The following ADAMTS17 variants were observed in gnomAD, a reference collection of about 807,000 sequenced individuals.
The protein encoded by ADAMTS17 is A disintegrin and metalloproteinase with thrombospondin motifs 17.
A neutral mutation model predicts 141.5 loss-of-function variants in ADAMTS17; 113 were observed. The observed-to-expected ratio is 0.80, with a 90% CI of 0.69 to 0.93. The LOEUF is 0.93. Ranked by LOEUF, ADAMTS17 falls within the 40% of genes least tolerant of loss-of-function variation. ADAMTS17 has a pLI of 0.00. For synonymous variants in ADAMTS17, 768 were observed against 630.6 expected (o/e 1.22, Z -3.27); for missense variants, 1,659 against 1,517.9 (o/e 1.09, Z -1.54).
At chr15:100,081,321 T>C (rs1029442379) in intron 15 of ADAMTS17, among the ~76,000 whole-genome samples, 3 of 152,162 alleles carry the variant, frequency 2.0e-5, no homozygotes, top group Non-Finnish European at 4.4e-5. Flanking sequence ...GATGTTGTGA[T>C]TACGTAAGTT....
At chr15:100,152,974 A>G (rs115367251) in intron 9 of ADAMTS17, among the ~76,000 whole-genome samples, 44 of 21,444 alleles carry the variant, frequency 2.1e-3, no homozygotes, top group Non-Finnish European at 5.5e-3. Flanking sequence ...CTTCGCTCTG[A>G]AGGTAGTAAG....
intron 15 of ADAMTS17, among the ~76,000 whole-genome samples, chr15:100,069,479 A>C (rs929574093): frequency 3.3e-5 from 5 of 152,216 alleles, no homozygotes; most frequent in African/African-American, 1.2e-4. Context: ...AAAAATGTTA[A>C]GGGCAGCCAG....
chr15:100,055,727 A>C (rs2032510768), intron 15 of ADAMTS17, among the ~76,000 whole-genome samples: 1 of 152,186 alleles, frequency 6.6e-6, no homozygotes, highest in Non-Finnish European at 1.5e-5. Flanking sequence ...GGACACCCAC[A>C]GTTTCCTCTC....
intron 7 of ADAMTS17, among the ~76,000 whole-genome samples, chr15:100,207,190 G>A (rs1176701745): frequency 2.0e-5 from 3 of 152,096 alleles, no homozygotes; most frequent in African/African-American, 4.8e-5. Context: ...AGAGACACTA[G>A]AGGTATTTCT....
At chr15:100,147,948 C>T (rs578235349) in intron 10 of ADAMTS17, among the ~76,000 whole-genome samples, 219 of 152,366 alleles carry the variant, frequency 1.4e-3, no homozygotes, top group African/African-American at 5.0e-3. Context: ...GAGGTTTCCT[C>T]GCCTTTTCCA....
intron 15 of ADAMTS17, among the ~76,000 whole-genome samples, chr15:100,056,504 G>A (rs1322966712): frequency 6.6e-6 from 1 of 152,166 alleles, no homozygotes; most frequent in Non-Finnish European, 1.5e-5. Context: ...TCAGCCATTA[G>A]ATTCTCATAA....
In ADAMTS17 at chr15:100,003,973, C is replaced by T. The variant is rs559590506; in HGVS notation, c.2592-6384G>A. ...TGGCTGCACAAGGTGAATGTACTTA[C>T]TGCCACTGAACTGTACATTTACAAA... On this transcript the variant is annotated intron_variant, in intron 18 of 21. Coordinates refer to ENST00000268070, the MANE Select transcript of ADAMTS17 (RefSeq NM_139057.4). Among the ~76,000 whole-genome samples the T allele has an allele frequency of 3.9e-5, 6 of 152,370 alleles. No homozygotes were observed. The South Asian group carries it at 1.2e-3, about 32-fold the overall frequency.
intron 18 of ADAMTS17, among the ~76,000 whole-genome samples, chr15:100,022,283 G>A (rs1331988670): frequency 6.6e-6 from 1 of 152,138 alleles, no homozygotes. Context: ...AACCCCATGT[G>A]CTGACTTAGC....
chr15:100,063,715 G>A (rs780331711), intron 15 of ADAMTS17: 16 of 1,289,832 alleles, frequency 1.2e-5, no homozygotes, highest in Middle Eastern at 4.2e-4. Context: ...TCCACCACAC[G>A]GATCCTCCGA....
intron 3 of ADAMTS17, among the ~76,000 whole-genome samples, chr15:100,292,552 G>C (rs537265588): frequency 1.5e-4 from 23 of 152,158 alleles, no homozygotes; most frequent in African/African-American, 5.3e-4. Context: ...AATTATGAGA[G>C]ACACTCACCC....
chr15:100,234,662 T>A (rs192330314), intron 7 of ADAMTS17, among the ~76,000 whole-genome samples: 2 of 152,214 alleles, frequency 1.3e-5, no homozygotes, highest in Non-Finnish European at 2.9e-5. Context: ...TCAAAACATA[T>A]GTTTACCTTG....
chr15:100,162,814 T>A (rs2039776542), intron 8 of ADAMTS17, among the ~76,000 whole-genome samples: 2 of 144,924 alleles, frequency 1.4e-5, no homozygotes, highest in Non-Finnish European at 1.5e-5. Context: ...TATGCACACA[T>A]ACACATTATA....
chr15:100,323,630 GA>G (rs1166607496), intron 3 of ADAMTS17, among the ~76,000 whole-genome samples: 1 of 150,822 alleles, frequency 6.6e-6, no homozygotes, highest in African/African-American at 2.4e-5. Flanking sequence ...AGGAATAAAG[GA>G]AAAAAAATAA....
chr15:100,140,621 G>T (rs1457261840), intron 10 of ADAMTS17, among the ~76,000 whole-genome samples: 1 of 151,772 alleles, frequency 6.6e-6, no homozygotes, highest in Non-Finnish European at 1.5e-5. Flanking sequence ...CTTTATCAGG[G>T]TTGTCTCTTT....
chr15:100,278,742 C>G (rs1390687655), intron 4 of ADAMTS17, among the ~76,000 whole-genome samples: 2 of 152,212 alleles, frequency 1.3e-5, no homozygotes, highest in African/African-American at 4.8e-5. Context: ...TCCTAACAAG[C>G]AGGATTGCCG....
At chr15:100,000,237 C>T (rs1172212193) in intron 18 of ADAMTS17, among the ~76,000 whole-genome samples, 2 of 152,172 alleles carry the variant, frequency 1.3e-5, no homozygotes, top group African/African-American at 2.4e-5. Flanking sequence ...GAGCTAAATT[C>T]TACACATTTC....
chr15:100,317,658 A>G (rs377664212), intron 3 of ADAMTS17, among the ~76,000 whole-genome samples: 2 of 152,286 alleles, frequency 1.3e-5, no homozygotes, highest in Non-Finnish European at 2.9e-5. Context: ...TGGGGGGGAC[A>G]ACACTGAGAA....
intron 18 of ADAMTS17, among the ~76,000 whole-genome samples, chr15:100,045,578 G>C (rs1175254342): frequency 6.6e-6 from 1 of 152,156 alleles, no homozygotes; most frequent in Non-Finnish European, 1.5e-5. Flanking sequence ...TTTGGCCCTA[G>C]TCTCTAAGAA....
chr15:100,125,276 C>T (rs924166237), intron 12 of ADAMTS17, among the ~76,000 whole-genome samples: 23 of 152,356 alleles, frequency 1.5e-4, no homozygotes, highest in African/African-American at 3.8e-4. Flanking sequence ...GTCCAAGTAA[C>T]ACATGTAACT....
Sources: allele counts gnomAD v4.1 joint callset (sites outside exome capture counted in the v4.1 genomes callset), GRCh38; gene constraint gnomAD v4.1.1; transcripts MANE v1.5; gene names NCBI Gene and HGNC (gene_info 2026-07-23, HGNC 2026-07-21).